Variants in PAM observed in about 807,000 individuals in gnomAD.
PAM encodes peptidyl-glycine alpha-amidating monooxygenase.
A neutral mutation model predicts 122.1 loss-of-function variants in PAM; 72 were observed. That is an observed-to-expected ratio of 0.59 (90% confidence interval 0.49 to 0.72). PAM has a LOEUF of 0.72. PAM is among the 30% of genes least tolerant of loss of function. The pLI is 0.00. For missense variants in PAM, 1,106 were observed against 1,183.7 expected (o/e 0.93, Z 0.96); for synonymous variants, 389 against 404.4 (o/e 0.96, Z 0.46).
At chr5:102,851,649 G>A (rs1445482544) in intron 1 of PAM, among the ~76,000 whole-genome samples, 1 of 152,052 alleles carries the variant, frequency 6.6e-6, no homozygotes, top group East Asian at 1.9e-4. Context: ...CAAAGTTTTA[G>A]GAACAAGGAA....
In PAM at chr5:102,867,277, A is replaced by G; in HGVS notation, c.94A>G (p.Lys32Glu). ...RSPLSVFKRF[K>E]ETTRPFSNEC... is the part of the protein sequence containing the mutation. The stretch of plus-strand genomic sequence containing the variant: ...GAAATTGCCCTCTTTTTTAAGGTTT[A>G]AAGAAACTACCAGACCATTTTCCAA... Residue 32 changes from lysine (K) to glutamate (E), a missense_variant, in exon 3 of 26, where the codon AAA becomes GAA. Lys to Glu is a moderately conservative substitution (Grantham distance 56). Transcript: ENST00000438793. 1 of 1,599,142 alleles carries G rather than the reference A, an allele frequency of 6.3e-7. No homozygotes were observed. The highest frequency in any genetic ancestry group is 8.6e-7 in the Non-Finnish European group (1 of 1,167,006).
intron 16 of PAM, among the ~76,000 whole-genome samples, chr5:102,999,234 GC>G (rs2150951353): frequency 6.6e-6 from 1 of 152,334 alleles, no homozygotes; most frequent in Non-Finnish European, 1.5e-5. Flanking sequence ...CCAGAATCCA[GC>G]GGGGCAGTCA....
At chr5:102,985,545 T>C (rs1481938733) in intron 15 of PAM, among the ~76,000 whole-genome samples, 1 of 151,782 alleles carries the variant, frequency 6.6e-6, no homozygotes, top group Non-Finnish European at 1.5e-5. Flanking sequence ...AAGCTTGAAC[T>C]AGAAAGAAAT....
At chr5:102,806,291 T>C (rs931830803) in intron 1 of PAM, among the ~76,000 whole-genome samples, 6 of 152,228 alleles carry the variant, frequency 3.9e-5, no homozygotes, top group Admixed American at 2.0e-4. Flanking sequence ...AAGCTGTCAT[T>C]GGCCTTCTCT....
chr5:103,024,616 T>C lies in PAM; in HGVS notation c.2486-515T>C, dbSNP rs547978473. 3.9e-5 allele frequency among the ~76,000 whole-genome samples: 6 copies of C among 152,286 alleles called. No homozygotes were observed. In the South Asian group the frequency reaches 1.2e-3, roughly 32 times the overall value. ...AAAGATACAAGGAAACAAACACTTA[T>C]TATATACATTTTTTATGACAGACAT... On this transcript the variant is annotated intron_variant, in intron 23 of 25. Transcript: ENST00000438793.
chr5:102,927,916 C>T (rs561284249), intron 7 of PAM, among the ~76,000 whole-genome samples: 1 of 152,112 alleles, frequency 6.6e-6, no homozygotes, highest in Non-Finnish European at 1.5e-5. Flanking sequence ...ACTGTTAACT[C>T]TCTATAGTGC....
At chr5:102,815,398 C>A (rs1769451988) in intron 1 of PAM, among the ~76,000 whole-genome samples, 3 of 152,056 alleles carry the variant, frequency 2.0e-5, no homozygotes, top group African/African-American at 7.2e-5. Context: ...TTTTATCAGG[C>A]ATTTTATGGT....
intron 3 of PAM, among the ~76,000 whole-genome samples, chr5:102,899,659 C>G (rs1302927911): frequency 6.6e-6 from 1 of 151,620 alleles, no homozygotes; most frequent in Non-Finnish European, 1.5e-5. Context: ...ATATTCAGAT[C>G]CCAGCTCCTG....
intron 3 of PAM, among the ~76,000 whole-genome samples, chr5:102,892,092 T>A (rs1201128320): frequency 6.6e-6 from 1 of 151,776 alleles, no homozygotes; most frequent in African/African-American, 2.4e-5. Context: ...TGAGGTGAAG[T>A]CTTTTGGAGC....
chr5:102,755,723 T>C (rs1750025519), intron 1 of PAM, among the ~76,000 whole-genome samples: 1 of 151,794 alleles, frequency 6.6e-6, no homozygotes, highest in South Asian at 2.1e-4. Context: ...TCGCCTTTTC[T>C]GCCCCCAACT....
At chr5:102,889,507 C>T (rs940444580) in intron 3 of PAM, among the ~76,000 whole-genome samples, 3 of 151,750 alleles carry the variant, frequency 2.0e-5, no homozygotes, top group Non-Finnish European at 2.9e-5. Context: ...TTAACCTAGC[C>T]GTCTTTGTCC....
intron 23 of PAM, among the ~76,000 whole-genome samples, chr5:103,023,673 G>C (rs1289088857): frequency 6.6e-6 from 1 of 151,944 alleles, no homozygotes; most frequent in African/African-American, 2.4e-5. Flanking sequence ...GTGGACAAAA[G>C]AAAACAAAGG....
chr5:102,867,263 C>T lies in PAM; in HGVS notation c.90-10C>T, dbSNP rs749994149. On this transcript the variant is annotated splice_polypyrimidine_tract_variant and intron_variant, in intron 2 of 25. Transcript: ENST00000438793. ...TGTTCAAGAATATTGAAATTGCCCT[C>T]TTTTTTAAGGTTTAAAGAAACTACC... 7 of 1,587,720 alleles carry T rather than the reference C, an allele frequency of 4.4e-6. No individual in the cohort carries two copies. In the African/African-American group the frequency reaches 6.7e-5, roughly 15 times the overall value.
chr5:102,933,847 C>A (rs962572296), intron 7 of PAM, among the ~76,000 whole-genome samples: 2 of 152,194 alleles, frequency 1.3e-5, no homozygotes, highest in Non-Finnish European at 2.9e-5. Context: ...TTATTTCATT[C>A]CACTATAAAG....
intron 13 of PAM, 42 bp from the exon 14 acceptor site, chr5:102,961,116 A>C (rs1297035911): frequency 1.0e-6 from 1 of 995,046 alleles, no homozygotes; most frequent in Non-Finnish European, 1.6e-6. Flanking sequence ...AGTATGTAAT[A>C]CATACTGCAA....
intron 1 of PAM, among the ~76,000 whole-genome samples, chr5:102,859,334 TAGTG>T (rs1783470786): frequency 7.6e-6 from 1 of 131,670 alleles, no homozygotes; most frequent in African/African-American, 3.5e-5. Context: ...AGGCCCAGGC[TAGTG>T]TGTGTGTGTG....
At position 102,803,614 on chromosome 5, in the gene PAM, C is replaced by CTGTTT. The variant is rs1467080414; in HGVS notation, c.-374+48278_-374+48282dup. 3.9e-5 allele frequency among the ~76,000 whole-genome samples: 6 copies of CTGTTT among 151,980 alleles called. No homozygotes were observed. In the East Asian group the frequency reaches 1.2e-3, roughly 29 times the overall value. On this transcript the variant is annotated intron_variant, in intron 1 of 25. Transcript: ENST00000438793. ...GGAACCATGGAATCATTTTGAGCCTCTGTTTTGTTTTGTTTTTCATTTCTA... is the reference window on the plus strand; with the variant it reads ...GGAACCATGGAATCATTTTGAGCCTCTGTTTTGTTTTGTTTTGTTTTTCATTTCTA...
At chr5:102,932,654 T>C (rs1224262769) in intron 7 of PAM, among the ~76,000 whole-genome samples, 3 of 148,976 alleles carry the variant, frequency 2.0e-5, no homozygotes, top group Non-Finnish European at 4.5e-5. Flanking sequence ...AATAAATAAA[T>C]ATATATATAT....
chr5:102,798,952 C>A (rs949433200), intron 1 of PAM, among the ~76,000 whole-genome samples: 1 of 152,162 alleles, frequency 6.6e-6, no homozygotes, highest in Admixed American at 6.5e-5. Flanking sequence ...GATGAAATTA[C>A]TAAAAATTCC....
Sources: gnomAD v4.1 joint callset for allele counts (sites outside exome capture counted in the v4.1 genomes callset) on GRCh38, gnomAD v4.1.1 for gene constraint, MANE v1.5 for transcripts, NCBI Gene and HGNC (gene_info 2026-07-23, HGNC 2026-07-21) for gene names.